CHMP7: variants seen among roughly 807,000 people sequenced by gnomAD.
CHMP7 encodes charged multivesicular body protein 7, also known as CHMP family, member 7.
Under a neutral mutation model 53.7 loss-of-function variants are expected in CHMP7, and 15 were observed. That is an observed-to-expected ratio of 0.28 (90% CI 0.19 to 0.43). CHMP7 has a LOEUF of 0.43. Ranked by LOEUF, CHMP7 falls within the 20% of genes least tolerant of loss-of-function variation. CHMP7 has a pLI of 1.00. For synonymous variants in CHMP7, 261 were observed against 228.0 expected, an observed-to-expected ratio of 1.14 and a Z score of -1.30; for missense variants, 527 against 569.4, an observed-to-expected ratio of 0.93 and a Z score of 0.76.
chr8:23,259,036 A>T, intron 8 of CHMP7, 30 bp from the exon 9 acceptor site: 1 of 1,500,558 alleles, frequency 6.7e-7, no homozygotes, highest in Non-Finnish European at 9.3e-7. Flanking sequence ...CACCATGCCC[A>T]GCTCAAGGCT....
At position 23,246,687 on chromosome 8, in the gene CHMP7, G is replaced by A; in HGVS notation, c.-9G>A. The A allele has an allele frequency of 6.5e-7, 1 of 1,545,896 alleles. No individual in the cohort carries two copies. Among genetic ancestry groups the A allele is most frequent in the Non-Finnish European group, 8.7e-7 (1 of 1,144,982 alleles). ...TTGTGTTCGCAGCCTTGCCGGGGCT[G>A]GGGTTCCGATGTGGTCCCCGGAGCG... On this transcript the variant is annotated 5_prime_UTR_variant, in exon 2 of 11. Transcript: ENST00000397677.
intron 7 of CHMP7, 23 bp from the exon 8 acceptor site, chr8:23,258,709 T>G: frequency 6.5e-7 from 1 of 1,538,966 alleles, no homozygotes; most frequent in Middle Eastern, 1.7e-4. Context: ...TCATTTGCAC[T>G]GATAGCTTTG....
Position 23,246,896 on chromosome 8 carries a change from G to A in CHMP7, c.201G>A (p.Gln67=), listed in dbSNP as rs1334030063. The A allele has an allele frequency of 3.8e-6, 6 of 1,583,744 alleles. No individual in the cohort carries two copies. Among genetic ancestry groups the A allele is most frequent in the South Asian group, 1.1e-5 (1 of 87,090 alleles). ...TGGTGCTGAGCCACAGCCGCCGCCA[G>A]GGGGTGGTGCGCCTGCGTCTGCGGG... ...APLVLSHSRR[Q]GVVRLRLRDL... Residue 67 remains glutamine (Q), a synonymous_variant, in exon 2 of 11, where the codon CAG becomes CAA. Transcript: ENST00000397677.
chr8:23,249,417 GGT>G (rs1339960674), intron 3 of CHMP7, 36 bp downstream of exon 3: 1 of 1,523,916 alleles, frequency 6.6e-7, no homozygotes, highest in Non-Finnish European at 8.8e-7. Context: ...GGTGTCACCT[GGT>G]GTGATCACAG....
intron 3 of CHMP7, among the ~76,000 whole-genome samples, chr8:23,250,514 G>A (rs1234495099): frequency 1.3e-5 from 2 of 151,898 alleles, no homozygotes; most frequent in Admixed American, 1.3e-4. Flanking sequence ...CTTCTCAACC[G>A]ACCTTTGTGT....
rs1585301588 is a variant in CHMP7, at chr8:23,246,683, G to A, written c.-13G>A. On this transcript the variant is annotated 5_prime_UTR_variant, in exon 2 of 11. Transcript: ENST00000397677. ...AGGCTTGTGTTCGCAGCCTTGCCGG[G>A]GCTGGGGTTCCGATGTGGTCCCCGG... 6.5e-7 allele frequency: 1 copy of A among 1,545,520 alleles called. No homozygotes were observed. The highest frequency in any genetic ancestry group is 1.4e-5 in the African/African-American group (1 of 72,832).
chr8:23,247,906 T>C (rs1478608895), intron 2 of CHMP7: 2 of 367,342 alleles, frequency 5.4e-6, no homozygotes, highest in East Asian at 1.5e-4. Flanking sequence ...TCTGATGTTT[T>C]TTGTTTGGTT....
At chr8:23,257,986 A>T (rs1255697876) in intron 5 of CHMP7, 47 bp from the exon 6 acceptor site, 1 of 1,408,830 alleles carries the variant, frequency 7.1e-7, no homozygotes, top group Non-Finnish European at 1.0e-6. Context: ...GGACCCTGCC[A>T]CTCCCATCCT....
intron 6 of CHMP7, 46 bp downstream of exon 6, chr8:23,258,127 C>G: frequency 6.4e-7 from 1 of 1,553,104 alleles, no homozygotes; most frequent in East Asian, 2.2e-5. Context: ...CCCAGGCAGG[C>G]CTGGAGCAAT....
At position 23,246,448 on chromosome 8, in the gene CHMP7, T is replaced by G; in HGVS notation, c.-248T>G. On this transcript the variant is annotated 5_prime_UTR_variant, in exon 2 of 11. Coordinates refer to ENST00000397677, the MANE Select transcript of CHMP7 (RefSeq NM_152272.5). ...AGCCTTTCTTTCGGCACAAAGACCG[T>G]GGGAGGAGGGGTCGGCGCAAGCGCT... 10 of 536,510 alleles carry G rather than the reference T, an allele frequency of 1.9e-5. No homozygotes were observed. Among genetic ancestry groups the G allele is most frequent in the East Asian group, 3.2e-5 (1 of 30,786 alleles). The allele number at this position is 536,510 out of a possible 1,614,324, so 33.2% of individuals were successfully genotyped here.
At chr8:23,244,961 C>A (rs1330910346) in intron 1 of CHMP7, among the ~76,000 whole-genome samples, 1 of 152,146 alleles carries the variant, frequency 6.6e-6, no homozygotes, top group Non-Finnish European at 1.5e-5. Flanking sequence ...TGGGAATTGA[C>A]TTTTATACAT....
chr8:23,254,845 A>G (rs757055422), intron 3 of CHMP7: 17 of 308,762 alleles, frequency 5.5e-5, no homozygotes, highest in Non-Finnish European at 1.1e-4. Context: ...GATACTGAGG[A>G]CTAGTGAGGC....
chr8:23,251,395 G>C (rs1801925221), intron 3 of CHMP7, among the ~76,000 whole-genome samples: 1 of 152,176 alleles, frequency 6.6e-6, no homozygotes, highest in Non-Finnish European at 1.5e-5. Flanking sequence ...ATTTGTGTGA[G>C]AGTGCGTGAG....
chr8:23,248,886 T>C (rs536944500), intron 2 of CHMP7, among the ~76,000 whole-genome samples: 38 of 152,228 alleles, frequency 2.5e-4, no homozygotes, highest in Non-Finnish European at 4.9e-4. Flanking sequence ...AGAAGCCGCC[T>C]GTGTTTCTGT....
At chr8:23,251,927 C>T (rs187519468) in intron 3 of CHMP7, among the ~76,000 whole-genome samples, 1 of 152,096 alleles carries the variant, frequency 6.6e-6, no homozygotes, top group East Asian at 1.9e-4. Context: ...TGTGCCTTTT[C>T]AATTTTAACA....
intron 1 of CHMP7, among the ~76,000 whole-genome samples, chr8:23,245,536 G>T (rs1386164952): frequency 2.0e-5 from 3 of 152,116 alleles, no homozygotes; most frequent in Non-Finnish European, 2.9e-5. Flanking sequence ...ACATTCTATT[G>T]ATGATTTTTG....
chr8:23,259,829 G>C, intron 9 of CHMP7: 1 of 287,042 alleles, frequency 3.5e-6, no homozygotes, highest in South Asian at 5.0e-5. Context: ...CGACAGCTGT[G>C]CTCATGACCC....
chr8:23,260,080 C>T (rs1056672013), intron 9 of CHMP7, 64 bp from the exon 10 acceptor site: 1 of 1,399,204 alleles, frequency 7.1e-7, no homozygotes, highest in South Asian at 1.2e-5. Flanking sequence ...TAACCTCAGT[C>T]CTGTACTCAT....
At chr8:23,259,422 G>A (rs1285545938) in intron 9 of CHMP7, among the ~76,000 whole-genome samples, 5 of 151,104 alleles carry the variant, frequency 3.3e-5, no homozygotes, top group Non-Finnish European at 4.4e-5. Context: ...GTGCAGTGAC[G>A]CATTCTCGGC....
Sources: gnomAD v4.1 joint callset for allele counts (sites outside exome capture counted in the v4.1 genomes callset) on GRCh38, gnomAD v4.1.1 for gene constraint, MANE v1.5 for transcripts, NCBI Gene and HGNC (gene_info 2026-07-23, HGNC 2026-07-21) for gene names.